Variants in PLCB4 observed in about 807,000 individuals in gnomAD.
The protein encoded by PLCB4 is 1-phosphatidylinositol 4,5-bisphosphate phosphodiesterase beta-4.
Under a neutral mutation model 178.8 loss-of-function variants are expected in PLCB4, and 77 were observed. The observed-to-expected ratio is 0.43, with a 90% CI of 0.36 to 0.52. PLCB4 has a LOEUF of 0.52. PLCB4 is among the 20% of genes least tolerant of loss of function. The pLI, the probability that PLCB4 is intolerant of heterozygous loss-of-function variation, is 0.00. For missense variants in PLCB4, 1,024 were observed against 1,453.4 expected (o/e 0.70, Z 4.80); for synonymous variants, 496 against 490.8 (o/e 1.01, Z -0.14).
intron 35 of PLCB4, among the ~76,000 whole-genome samples, chr20:9,468,082 C>T (rs559596233): frequency 6.6e-6 from 1 of 152,148 alleles, no homozygotes; most frequent in African/African-American, 2.4e-5. Flanking sequence ...TTTTCTCTCT[C>T]TCTTCCAGCC....
At chr20:9,312,353 TACACACAC>T (rs34443371) in intron 4 of PLCB4, among the ~76,000 whole-genome samples, 7,535 of 127,828 alleles carry the variant, frequency 0.059, 231 homozygotes, top group Middle Eastern at 0.071. Flanking sequence ...CCTTCCACCC[TACACACAC>T]ACACACACAC....
At chr20:9,325,163 G>A (rs1266381381) in intron 4 of PLCB4, among the ~76,000 whole-genome samples, 2 of 152,198 alleles carry the variant, frequency 1.3e-5, no homozygotes, top group East Asian at 1.9e-4. Flanking sequence ...CGGTGTTTCC[G>A]GTGCAACTAC....
intron 32 of PLCB4, among the ~76,000 whole-genome samples, chr20:9,452,651 C>T (rs548491761): frequency 1.3e-5 from 2 of 152,304 alleles, no homozygotes; most frequent in South Asian, 4.1e-4. Context: ...CTTTCCAAAG[C>T]ATTGCAGCCC....
At chr20:9,416,884 GT>G (rs1044866752) in intron 25 of PLCB4, among the ~76,000 whole-genome samples, 7 of 152,048 alleles carry the variant, frequency 4.6e-5, no homozygotes, top group African/African-American at 1.4e-4. Flanking sequence ...TTAACACTTT[GT>G]TTTTTGTTCA....
At chr20:9,333,089 A>G (rs375730218) in intron 4 of PLCB4, among the ~76,000 whole-genome samples, 11 of 152,294 alleles carry the variant, frequency 7.2e-5, no homozygotes, top group African/African-American at 2.6e-4. Flanking sequence ...AGCCCCCTCA[A>G]TTTGAGCAAC....
intron 3 of PLCB4, among the ~76,000 whole-genome samples, chr20:9,247,273 G>T (rs990573577): frequency 6.6e-6 from 1 of 152,146 alleles, no homozygotes; most frequent in African/African-American, 2.4e-5. Flanking sequence ...TCTGTAGACC[G>T]CAGGTTGAGC....
At chr20:9,345,510 TCA>T (rs1316968306) in intron 7 of PLCB4, among the ~76,000 whole-genome samples, 1 of 152,200 alleles carries the variant, frequency 6.6e-6, no homozygotes, top group Non-Finnish European at 1.5e-5. Context: ...CAAACTGAAA[TCA>T]CAGTCACTAG....
At chr20:9,235,860 G>A (rs547038260) in intron 3 of PLCB4, among the ~76,000 whole-genome samples, 10 of 152,264 alleles carry the variant, frequency 6.6e-5, no homozygotes, top group African/African-American at 2.2e-4. Context: ...TTACCTTTCC[G>A]GTTTAGCTCA....
At chr20:9,311,049 G>A (rs530935598) in intron 4 of PLCB4, among the ~76,000 whole-genome samples, 57 of 152,254 alleles carry the variant, frequency 3.7e-4, no homozygotes, top group Non-Finnish European at 6.9e-4. Flanking sequence ...AGACAGATTC[G>A]TCTCTTGTGG....
At chr20:9,329,212 C>G (rs560041216) in intron 4 of PLCB4, among the ~76,000 whole-genome samples, 1 of 152,322 alleles carries the variant, frequency 6.6e-6, no homozygotes, top group Non-Finnish European at 1.5e-5. Context: ...CCTGTACAAG[C>G]TTCCAGCTTG....
At chr20:9,403,241 G>A (rs1234875296) in intron 20 of PLCB4, among the ~76,000 whole-genome samples, 2 of 152,140 alleles carry the variant, frequency 1.3e-5, no homozygotes, top group East Asian at 3.8e-4. Flanking sequence ...TACAAGTTGG[G>A]AGTTCAAAAG....
At chr20:9,122,859 A>G (rs921872360) in intron 2 of PLCB4, among the ~76,000 whole-genome samples, 3 of 152,148 alleles carry the variant, frequency 2.0e-5, no homozygotes, top group Non-Finnish European at 4.4e-5. Context: ...AAAAGCCAAC[A>G]TTTATAAATG....
chr20:9,236,409 A>G (rs2093993537), intron 3 of PLCB4, among the ~76,000 whole-genome samples: 1 of 152,222 alleles, frequency 6.6e-6, no homozygotes, highest in Non-Finnish European at 1.5e-5. Flanking sequence ...TTGATAGGAC[A>G]CAAGATCTTT....
chr20:9,286,766 A>G (rs764869165), intron 3 of PLCB4, among the ~76,000 whole-genome samples: 1 of 152,032 alleles, frequency 6.6e-6, no homozygotes, highest in Non-Finnish European at 1.5e-5. Flanking sequence ...CAGAGAACTA[A>G]TGAACGAAAG....
chr20:9,340,872 C>G (rs183378478), intron 7 of PLCB4, among the ~76,000 whole-genome samples: 135 of 152,274 alleles, frequency 8.9e-4, no homozygotes, highest in Non-Finnish European at 8.7e-4. Flanking sequence ...ACTTTGTGTA[C>G]TGCCTTTCTT....
intron 3 of PLCB4, among the ~76,000 whole-genome samples, chr20:9,240,454 T>A (rs1428896102): frequency 6.6e-6 from 1 of 152,168 alleles, no homozygotes; most frequent in Non-Finnish European, 1.5e-5. Flanking sequence ...CTGCCCAGTT[T>A]TCCCTTTCAT....
chr20:9,358,328 G>A (rs1018912207), intron 7 of PLCB4, among the ~76,000 whole-genome samples: 2 of 152,194 alleles, frequency 1.3e-5, no homozygotes, highest in Non-Finnish European at 2.9e-5. Context: ...CCTCTTCTGT[G>A]AAAACAGAGA....
At chr20:9,216,464 G>A (rs1028287108) in intron 2 of PLCB4, among the ~76,000 whole-genome samples, 13 of 151,950 alleles carry the variant, frequency 8.6e-5, no homozygotes, top group African/African-American at 2.7e-4. Context: ...TGATCCGCCC[G>A]CCTCGGCCTC....
intron 4 of PLCB4, among the ~76,000 whole-genome samples, chr20:9,335,366 CACAA>C (rs752204490): frequency 2.6e-5 from 4 of 152,120 alleles, no homozygotes; most frequent in Non-Finnish European, 5.9e-5. Context: ...GCTCTAGCCA[CACAA>C]ACAAATTTCT....
Sources: gnomAD v4.1 joint callset for allele counts (sites outside exome capture counted in the v4.1 genomes callset) on GRCh38, gnomAD v4.1.1 for gene constraint, MANE v1.5 for transcripts, NCBI Gene and HGNC (gene_info 2026-07-23, HGNC 2026-07-21) for gene names.